Variants in OSBPL8 observed in about 807,000 individuals in gnomAD.
OSBPL8 encodes the protein oxysterol-binding protein-related protein 8.
OSBPL8 carries 59 observed loss-of-function variants against 125.5 expected under a neutral mutation model. The observed-to-expected ratio is 0.47, with a 90% CI of 0.38 to 0.58. The LOEUF (loss-of-function observed/expected upper bound fraction) is 0.58, where lower values mean the gene tolerates loss of function less well. OSBPL8 is among the 20% of genes least tolerant of loss of function. OSBPL8 has a pLI of 0.00. For missense variants in OSBPL8, 758 were observed against 1,047.8 expected (o/e 0.72, Z 3.82); for synonymous variants, 330 against 338.9 (o/e 0.97, Z 0.29).
At chr12:76,425,391 A>ACTAT (rs1200193388) in intron 4 of OSBPL8, among the ~76,000 whole-genome samples, 3 of 152,204 alleles carry the variant, frequency 2.0e-5, no homozygotes, top group Non-Finnish European at 4.4e-5. Context: ...CCAACAATGC[A>ACTAT]CTATATCTTT....
intron 1 of OSBPL8, among the ~76,000 whole-genome samples, chr12:76,495,530 T>C (rs1879182529): frequency 6.6e-6 from 1 of 152,210 alleles, no homozygotes; most frequent in Non-Finnish European, 1.5e-5. Context: ...TGACTGGCAT[T>C]TTAAAATACA....
At chr12:76,423,921 T>A (rs1307632731) in intron 4 of OSBPL8, among the ~76,000 whole-genome samples, 3 of 152,200 alleles carry the variant, frequency 2.0e-5, no homozygotes, top group African/African-American at 7.2e-5. Flanking sequence ...GGTTCTCTAT[T>A]CATGCACAAC....
chr12:76,499,662 C>A (rs1879691796), intron 1 of OSBPL8, among the ~76,000 whole-genome samples: 1 of 152,030 alleles, frequency 6.6e-6, no homozygotes, highest in African/African-American at 2.4e-5. Context: ...ACCAGCCTGG[C>A]CAAAATGTTG....
chr12:76,375,399 GA>G, intron 16 of OSBPL8, 29 bp from the exon 17 acceptor site: 1 of 1,489,150 alleles, frequency 6.7e-7, no homozygotes, highest in Non-Finnish European at 9.3e-7. Flanking sequence ...ACAAAAAATT[GA>G]AAAGAGTATA....
intron 4 of OSBPL8, among the ~76,000 whole-genome samples, chr12:76,430,228 G>A (rs564003491): frequency 2.0e-5 from 3 of 152,192 alleles, no homozygotes; most frequent in South Asian, 4.2e-4. Context: ...TTTCACCCCT[G>A]CTGAACTGCA....
intron 15 of OSBPL8, among the ~76,000 whole-genome samples, chr12:76,383,053 CAT>C (rs1373895722): frequency 6.6e-6 from 1 of 152,038 alleles, no homozygotes; most frequent in Non-Finnish European, 1.5e-5. Flanking sequence ...TGAATTTACC[CAT>C]ATGTTTACCA....
chr12:76,414,211 T>C (rs1442770496), intron 4 of OSBPL8, among the ~76,000 whole-genome samples: 1 of 151,804 alleles, frequency 6.6e-6, no homozygotes, highest in Non-Finnish European at 1.5e-5. Context: ...TGTAGGTCTG[T>C]TTCTGCACAC....
rs1241183468 is a variant in OSBPL8 at position 76,358,642 on chromosome 12, T to C, written c.2434+64A>G. ...CTTGAGTTAATATGAAAAACCATAT[T>C]CATATCAAATTGTGTAGTAATTAAA... On this transcript the variant is annotated intron_variant, in intron 22 of 23. Transcript: ENST00000261183. 7 of 1,351,818 alleles carry C rather than the reference T, an allele frequency of 5.2e-6. No individual in the cohort carries two copies. The East Asian group carries it at 1.6e-4, about 31-fold the overall frequency. 83.7% of individuals were successfully genotyped at this position (1,351,818 alleles called of 1,614,324 possible).
In OSBPL8 at chr12:76,460,391, A is replaced by C. The variant is rs564373742; in HGVS notation, c.43-496T>G. Among the ~76,000 whole-genome samples the C allele has an allele frequency of 2.6e-5, 4 of 152,268 alleles. No individual in the cohort carries two copies. The East Asian group carries it at 7.7e-4, about 29-fold the overall frequency. Reference sequence around the variant, plus strand: ...AAGAGATTTAGTATGTTTCTTCTACAAAAGAGTAAGGAACATTTATTGAGT... The same window carrying C: ...AAGAGATTTAGTATGTTTCTTCTACCAAAGAGTAAGGAACATTTATTGAGT... On this transcript the variant is annotated intron_variant, in intron 2 of 23. Coordinates refer to ENST00000261183, the MANE Select transcript of OSBPL8 (RefSeq NM_020841.5).
intron 1 of OSBPL8, among the ~76,000 whole-genome samples, chr12:76,525,232 T>A (rs1372745402): frequency 6.6e-6 from 1 of 152,188 alleles, no homozygotes; most frequent in African/African-American, 2.4e-5. Flanking sequence ...TTTATGTCAT[T>A]AAGAAATTTT....
intron 4 of OSBPL8, among the ~76,000 whole-genome samples, chr12:76,415,941 T>C (rs1486435559): frequency 2.6e-5 from 4 of 152,140 alleles, no homozygotes; most frequent in Non-Finnish European, 5.9e-5. Context: ...ACATTTATTA[T>C]AGTCTTTTTT....
chr12:76,458,312 T>G (rs1355665850), intron 3 of OSBPL8, among the ~76,000 whole-genome samples: 1 of 151,962 alleles, frequency 6.6e-6, no homozygotes, highest in Non-Finnish European at 1.5e-5. Flanking sequence ...TTGTGTTCTT[T>G]TTTCTATTTT....
intron 2 of OSBPL8, among the ~76,000 whole-genome samples, chr12:76,478,412 C>T (rs560346807): frequency 1.3e-5 from 2 of 152,212 alleles, no homozygotes; most frequent in African/African-American, 4.8e-5. Context: ...GTCCTGGGAA[C>T]CCACTTTAAG....
intron 1 of OSBPL8, among the ~76,000 whole-genome samples, chr12:76,546,863 C>A (rs1326629528): frequency 6.6e-6 from 1 of 152,130 alleles, no homozygotes. Context: ...AAAACTTTGA[C>A]TTCCTGGACA....
At chr12:76,390,783 C>T (rs1953526784) in intron 10 of OSBPL8, 126 bp from the exon 11 acceptor site, 3 of 639,936 alleles carry the variant, frequency 4.7e-6, no homozygotes, top group Non-Finnish European at 8.1e-6. Flanking sequence ...AAGTGTTTTA[C>T]ATAGTGTTAA....
chr12:76,436,163 G>T (rs1871417379), intron 4 of OSBPL8, among the ~76,000 whole-genome samples: 2 of 152,046 alleles, frequency 1.3e-5, no homozygotes, highest in African/African-American at 2.4e-5. Flanking sequence ...ATATATTGGT[G>T]CCAATGCTTG....
In OSBPL8 at chr12:76,366,849, T is replaced by C. The variant is rs147348267; in HGVS notation, c.2328+2365A>G. On this transcript the variant is annotated intron_variant, in intron 21 of 23. Coordinates refer to ENST00000261183, the MANE Select transcript of OSBPL8 (RefSeq NM_020841.5). ...TCTCACTCTGTTGCCCAGGCTGGAG[T>C]GCAATGGTGTGATCTTGGCTCACTA... is the stretch of plus-strand genomic sequence containing the variant. Among the ~76,000 whole-genome samples the C allele has an allele frequency of 1.9e-3, 286 of 152,252 alleles. 1 individual carries two copies. Among genetic ancestry groups the C allele is most frequent in the African/African-American group, 6.5e-3 (271 of 41,564 alleles).
intron 1 of OSBPL8, among the ~76,000 whole-genome samples, chr12:76,541,329 T>C (rs1001936638): frequency 6.6e-6 from 1 of 151,604 alleles, no homozygotes; most frequent in African/African-American, 2.4e-5. Context: ...AACACAAAAA[T>C]TAGTCAGGTG....
chr12:76,552,289 G>A (rs61522333), intron 1 of OSBPL8, among the ~76,000 whole-genome samples: 5,972 of 151,732 alleles, frequency 0.039, 351 homozygotes, highest in African/African-American at 0.13. Flanking sequence ...TGCCAGGCAC[G>A]GTGGCACATC....
Sources: allele counts gnomAD v4.1 joint callset (sites outside exome capture counted in the v4.1 genomes callset), GRCh38; gene constraint gnomAD v4.1.1; transcripts MANE v1.5; gene names NCBI Gene and HGNC (gene_info 2026-07-23, HGNC 2026-07-21).